Variants in MAP6 observed in about 807,000 individuals in gnomAD.
The protein encoded by MAP6 is microtubule-associated protein 6.
Under a neutral mutation model 42.4 loss-of-function variants are expected in MAP6, and 26 were observed. The ratio of observed to expected loss-of-function variants is 0.61; its 90% CI spans 0.45 to 0.85. The LOEUF (loss-of-function observed/expected upper bound fraction) is 0.85. Ranked by LOEUF, MAP6 falls within the 40% of genes least tolerant of loss-of-function variation. MAP6 has a pLI of 0.00. For synonymous variants in MAP6, 418 were observed against 443.8 expected, an observed-to-expected ratio of 0.94 and a Z score of 0.73; for missense variants, 966 against 1,099.0, an observed-to-expected ratio of 0.88 and a Z score of 1.71.
chr11:75,626,626 CA>C (rs1329200140), intron 1 of MAP6, among the ~76,000 whole-genome samples: 1 of 152,188 alleles, frequency 6.6e-6, no homozygotes, highest in African/African-American at 2.4e-5. Context: ...GTGCCTGCAG[CA>C]ATTATAATAT....
intron 3 of MAP6, among the ~76,000 whole-genome samples, chr11:75,595,017 T>A (rs1409219413): frequency 1.3e-5 from 2 of 152,138 alleles, no homozygotes; most frequent in African/African-American, 4.8e-5. Context: ...CCCTCTCTAT[T>A]CCATAAAAGC....
At chr11:75,617,380 G>A (rs1943014801) in intron 1 of MAP6, among the ~76,000 whole-genome samples, 1 of 151,916 alleles carries the variant, frequency 6.6e-6, no homozygotes, top group South Asian at 2.1e-4. Context: ...GCCAGGTGTG[G>A]TGGCGGGTGC....
In MAP6 at chr11:75,587,800, A is replaced by C; in HGVS notation, c.1701T>G (p.Pro567=). The part of the protein sequence containing the change: ...ESLKDQGPRI[P]EPVKNQAPMV... ...TAGGAGCTTGATTCTTCACAGGCTC[A>C]GGAATCCTAGGACCTTGATCCTTTA... Residue 567 remains proline (P), a synonymous_variant, in exon 4 of 4, where the codon CCT becomes CCG. Transcript: ENST00000304771. 1 of 1,614,008 alleles carries C rather than the reference A, an allele frequency of 6.2e-7. No individual in the cohort carries two copies. Among genetic ancestry groups the C allele is most frequent in the Non-Finnish European group, 8.5e-7 (1 of 1,180,006 alleles).
At chr11:75,642,482 T>A (rs562938461) in intron 1 of MAP6, 21 of 152,720 alleles carry the variant, frequency 1.4e-4, no homozygotes, top group African/African-American at 4.8e-4. Context: ...GACTAACTAG[T>A]TCTGGTATAT....
intron 1 of MAP6, among the ~76,000 whole-genome samples, chr11:75,610,329 C>A (rs1345250454): frequency 6.6e-6 from 1 of 152,254 alleles, no homozygotes; most frequent in Non-Finnish European, 1.5e-5. Flanking sequence ...AAATTATTTT[C>A]TCCTCCTGGA....
intron 1 of MAP6, among the ~76,000 whole-genome samples, chr11:75,626,199 G>A (rs545184712): frequency 6.6e-6 from 1 of 152,296 alleles, no homozygotes; most frequent in East Asian, 1.9e-4. Flanking sequence ...GCGTATCTGA[G>A]CCTAGCCCAG....
rs185297919 is a variant in MAP6 at position 75,664,407 on chromosome 11, A to T, written c.905+3058T>A. On this transcript the variant is annotated intron_variant, in intron 1 of 3. Transcript: ENST00000304771. ...TAAATTGTAAAGTAAAACAATGAGCATGTATATGATTCTGAATTTTGAATG... is the reference window on the plus strand; with the variant it reads ...TAAATTGTAAAGTAAAACAATGAGCTTGTATATGATTCTGAATTTTGAATG... Among the ~76,000 whole-genome samples, 388 of 152,368 alleles carry T rather than the reference A, an allele frequency of 2.5e-3. 4 individuals carry two copies. The highest frequency in any genetic ancestry group is 8.9e-3 in the African/African-American group (371 of 41,592).
chr11:75,667,914 G>C lies in MAP6; in HGVS notation c.456C>G (p.Arg152=), dbSNP rs745559278. 2.8e-6 allele frequency: 4 copies of C among 1,416,788 alleles called. No individual in the cohort carries two copies. Among genetic ancestry groups the C allele is most frequent in the Non-Finnish European group, 9.2e-7 (1 of 1,081,754 alleles). The allele number at this position is 1,416,788 out of a possible 1,614,324, so 87.8% of individuals were successfully genotyped here. Residue 152 remains arginine, a synonymous_variant, in exon 1 of 4, where the codon CGC becomes CGG. Transcript: ENST00000304771. The surrounding 1 kb of genome is among the most constrained non-coding windows in gnomAD (Gnocchi z 5.6). ...GGAAGTCCTTCTGGTACTGGGTCTC[G>C]CGCTCGAAGGGAGCGTCGGAGGGCT... is the stretch of plus-strand genomic sequence containing the variant. ...EYQPSDAPFE[R]ETQYQKDFRA...
intron 1 of MAP6, among the ~76,000 whole-genome samples, chr11:75,646,256 T>C (rs758931762): frequency 6.6e-6 from 1 of 151,974 alleles, no homozygotes; most frequent in Non-Finnish European, 1.5e-5. Context: ...TAAGAAAACA[T>C]TATTGTCTTT....
intron 1 of MAP6, among the ~76,000 whole-genome samples, chr11:75,657,718 C>T (rs1230046524): frequency 6.6e-6 from 1 of 152,166 alleles, no homozygotes; most frequent in African/African-American, 2.4e-5. Flanking sequence ...TTTGCCTTTG[C>T]CAGCTTCTAG....
intron 1 of MAP6, among the ~76,000 whole-genome samples, chr11:75,662,465 A>G (rs187127595): frequency 2.8e-4 from 43 of 152,362 alleles, no homozygotes; most frequent in African/African-American, 8.7e-4. Flanking sequence ...GGAAAACTCA[A>G]TAGCTTAAAG....
intron 1 of MAP6, among the ~76,000 whole-genome samples, chr11:75,618,752 C>T (rs1943049520): frequency 6.6e-6 from 1 of 152,238 alleles, no homozygotes; most frequent in Non-Finnish European, 1.5e-5. Flanking sequence ...GGTCCCTGCC[C>T]TGGCCAGAGG....
At chr11:75,605,418 A>T in intron 3 of MAP6, 1 of 1,002,054 alleles carries the variant, frequency 1.0e-6, no homozygotes, top group Non-Finnish European at 1.2e-6. Flanking sequence ...TAAAGTTCAA[A>T]ATCGACCAGT....
At chr11:75,588,555 C>T (rs146659205) in intron 3 of MAP6, among the ~76,000 whole-genome samples, 2 of 152,268 alleles carry the variant, frequency 1.3e-5, no homozygotes, top group African/African-American at 4.8e-5. Context: ...CTTCTAGGAT[C>T]GTTGGGCCCA....
chr11:75,609,153 GT>G (rs1306783081), intron 1 of MAP6, among the ~76,000 whole-genome samples: 8 of 152,276 alleles, frequency 5.3e-5, no homozygotes, highest in Middle Eastern at 3.4e-3. Context: ...CTAATCAGCT[GT>G]TTATGATCTG....
chr11:75,660,381 C>G (rs1173347703), intron 1 of MAP6, among the ~76,000 whole-genome samples: 1 of 152,122 alleles, frequency 6.6e-6, no homozygotes, highest in Non-Finnish European at 1.5e-5. Flanking sequence ...GTTAGATATC[C>G]CATAGACAAC....
At chr11:75,638,814 C>T (rs1481542332) in intron 1 of MAP6, among the ~76,000 whole-genome samples, 2 of 152,070 alleles carry the variant, frequency 1.3e-5, no homozygotes, top group African/African-American at 4.8e-5. Flanking sequence ...GTATCTACCC[C>T]AAAAGAAAAG....
chr11:75,621,178 T>C (rs989964300), intron 1 of MAP6, among the ~76,000 whole-genome samples: 6 of 151,082 alleles, frequency 4.0e-5, no homozygotes, highest in Non-Finnish European at 7.4e-5. Context: ...CACCCTTTCA[T>C]GATAAAAAGA....
intron 3 of MAP6, chr11:75,597,359 A>G (rs546732547): frequency 6.6e-6 from 1 of 152,254 alleles, no homozygotes; most frequent in South Asian, 2.1e-4. Flanking sequence ...TTACCTATTT[A>G]TTTTTGCCAA....
Sources: allele counts gnomAD v4.1 joint callset (sites outside exome capture counted in the v4.1 genomes callset), GRCh38; gene constraint gnomAD v4.1.1; non-coding constraint Gnocchi (gnomAD v3.1); transcripts MANE v1.5; gene names NCBI Gene and HGNC (gene_info 2026-07-23, HGNC 2026-07-21).